The following HHIPL1 variants were observed in gnomAD, a reference collection of about 807,000 sequenced individuals.
HHIPL1 encodes HHIP-like protein 1.
HHIPL1 carries 43 observed loss-of-function variants against 61.8 expected under a neutral mutation model. That is an observed-to-expected ratio of 0.70 (90% CI 0.55 to 0.90). The LOEUF is 0.90. Among genes scored for constraint, HHIPL1 ranks in the 40% least tolerant of loss-of-function variants. The pLI, the probability that HHIPL1 is intolerant of heterozygous loss-of-function variation, is 0.00. For missense variants in HHIPL1, 1,056 were observed against 1,157.7 expected (o/e 0.91, Z 1.28); for synonymous variants, 482 against 515.8 (o/e 0.93, Z 0.89).
Position 99,660,348 on chromosome 14 carries a change from C to G in HHIPL1, c.1444C>G (p.Arg482Gly), listed in dbSNP as rs2056130999. The G allele has an allele frequency of 1.9e-6, 3 of 1,614,128 alleles. No homozygotes were observed. The highest frequency in any genetic ancestry group is 2.5e-6 in the Non-Finnish European group (3 of 1,180,002). The change falls in exon 5 of 9, where the codon CGG becomes GGG. Residue 482 changes from arginine to glycine, a missense_variant. Transcript: ENST00000330710. This position sits in a 1 kb window ranked among gnomAD's most constrained non-coding sequence, Gnocchi z 4.9. The stretch of plus-strand genomic sequence containing the variant: ...GTCGGTCACAGGGGGCTACGTGTAC[C>G]GGGGCTGCGAGTACCCCAACCTGAA... ...GKSVTGGYVY[R>G]GCEYPNLNGL... is the part of the protein sequence containing the mutation.
At chr14:99,617,801 C>T in the HHIPL1 span, among the ~76,000 whole-genome samples, 1 of 152,148 alleles carries the variant, frequency 6.6e-6, no homozygotes, top group South Asian at 2.1e-4. Flanking sequence ...CCCTCAGTTT[C>T]CCCATTCATT....
At chr14:99,667,438 A>G (rs569312773) in intron 6 of HHIPL1, among the ~76,000 whole-genome samples, 4 of 152,076 alleles carry the variant, frequency 2.6e-5, no homozygotes, top group African/African-American at 9.6e-5. Flanking sequence ...GGGAGAACCC[A>G]CGTTCCCTGA....
At chr14:99,607,885 A>C in the HHIPL1 span, among the ~76,000 whole-genome samples, 1 of 152,224 alleles carries the variant, frequency 6.6e-6, no homozygotes, top group Non-Finnish European at 1.5e-5. Context: ...ATCTATGAGT[A>C]TATATGCATT....
intron 1 of HHIPL1, among the ~76,000 whole-genome samples, chr14:99,647,343 C>A (rs1279451056): frequency 6.6e-6 from 1 of 152,214 alleles, no homozygotes; most frequent in African/African-American, 2.4e-5. Flanking sequence ...GGACCAGGTC[C>A]TTTGGTCTCC....
chr14:99,640,913 G>A (rs576017495), upstream of HHIPL1, among the ~76,000 whole-genome samples: 1 of 103,330 alleles, frequency 9.7e-6, no homozygotes, highest in Non-Finnish European at 1.8e-5. Flanking sequence ...TTGAGATAGA[G>A]TATCTCTCTC....
chr14:99,638,868 A>G, the HHIPL1 span, among the ~76,000 whole-genome samples: 1 of 152,240 alleles, frequency 6.6e-6, no homozygotes, highest in African/African-American at 2.4e-5. Context: ...CTGGTGGTGC[A>G]CATCCCACCG....
At chr14:99,640,059 A>G in the HHIPL1 span, among the ~76,000 whole-genome samples, 1 of 152,228 alleles carries the variant, frequency 6.6e-6, no homozygotes, top group African/African-American at 2.4e-5. Context: ...ATGGATTACC[A>G]TCTACAATAT....
the HHIPL1 span, among the ~76,000 whole-genome samples, chr14:99,617,204 C>G: frequency 6.6e-6 from 1 of 152,222 alleles, no homozygotes; most frequent in South Asian, 2.1e-4. Flanking sequence ...CCATGGCACA[C>G]ACAAACAAAA....
the HHIPL1 span, among the ~76,000 whole-genome samples, chr14:99,613,067 C>T: frequency 6.6e-6 from 1 of 152,140 alleles, no homozygotes; most frequent in Admixed American, 6.5e-5. Flanking sequence ...CAGCCCCCTC[C>T]TGTTTGATAC....
chr14:99,637,859 A>G, the HHIPL1 span, among the ~76,000 whole-genome samples: 6 of 152,302 alleles, frequency 3.9e-5, no homozygotes, highest in Non-Finnish European at 5.9e-5. Context: ...ACCAATGCCC[A>G]GAGAGGTCAA....
At chr14:99,642,129 G>A (rs1414724857), upstream of HHIPL1, among the ~76,000 whole-genome samples, 6 of 151,832 alleles carry the variant, frequency 4.0e-5, no homozygotes, top group South Asian at 6.2e-4. Context: ...TAGTAGAGAC[G>A]AGGTTTCTCC....
intron 3 of HHIPL1, 92 bp from the exon 4 acceptor site, chr14:99,659,335 CG>C: frequency 9.8e-7 from 1 of 1,024,050 alleles, no homozygotes. Context: ...CCTGGCTCAG[CG>C]GTCAGCCGGC....
At chr14:99,616,496 G>A in the HHIPL1 span, among the ~76,000 whole-genome samples, 11 of 152,300 alleles carry the variant, frequency 7.2e-5, no homozygotes, top group South Asian at 1.2e-3. Context: ...CTCCTCATCC[G>A]TAAGAGAAAG....
intron 7 of HHIPL1, among the ~76,000 whole-genome samples, chr14:99,671,420 TG>T (rs1487153291): frequency 4.6e-5 from 7 of 152,200 alleles, no homozygotes; most frequent in Non-Finnish European, 1.0e-4. Context: ...CGTATGTGCC[TG>T]GTTGTGTTTC....
chr14:99,610,578 G>A, the HHIPL1 span, among the ~76,000 whole-genome samples: 2 of 152,178 alleles, frequency 1.3e-5, no homozygotes, highest in Admixed American at 1.3e-4. Context: ...TGGCTAACAT[G>A]ACAAAACCCC....
At chr14:99,613,673 C>A in the HHIPL1 span, among the ~76,000 whole-genome samples, 3 of 151,994 alleles carry the variant, frequency 2.0e-5, no homozygotes, top group Admixed American at 1.3e-4. Flanking sequence ...CTTTGGGAGG[C>A]CGAGGTGGGC....
At position 99,677,304 on chromosome 14, in the gene HHIPL1, A is replaced by C. The variant is rs943885; in HGVS notation, c.*1678A>C. On this transcript the variant is annotated 3_prime_UTR_variant, in exon 9 of 9. Transcript: ENST00000330710. This position sits in a 1 kb window ranked among gnomAD's most constrained non-coding sequence, Gnocchi z 4.3. ...ACCCTAACCACTGCCCTCCCCAGCT[A>C]CACTATGCCTGCAGAGAGCGGTGTG... The C allele has an allele frequency of 0.95, 144,736 of 152,312 alleles. 69,221 individuals carry two copies. The highest frequency in any genetic ancestry group is 1 in the East Asian group (5,162 of 5,162). The allele number at this position is 152,312 out of a possible 1,614,324, so 9.4% of individuals were successfully genotyped here. A position where few individuals can be genotyped will look rare whatever the true frequency, so the allele number is the denominator to read the frequency against.
chr14:99,644,302 A>G (rs1176814520), upstream of HHIPL1, among the ~76,000 whole-genome samples: 1 of 152,188 alleles, frequency 6.6e-6, no homozygotes, highest in Non-Finnish European at 1.5e-5. Flanking sequence ...TCCAGGGAGA[A>G]GCAAACGCTG....
At chr14:99,624,180 C>T in the HHIPL1 span, among the ~76,000 whole-genome samples, 1 of 152,198 alleles carries the variant, frequency 6.6e-6, no homozygotes, top group Non-Finnish European at 1.5e-5. Context: ...TCTCCACCCT[C>T]GCTTCGGCCA....
Sources: gnomAD v4.1 joint callset for allele counts (sites outside exome capture counted in the v4.1 genomes callset) on GRCh38, gnomAD v4.1.1 for gene constraint, Gnocchi (gnomAD v3.1) non-coding constraint, MANE v1.5 for transcripts, NCBI Gene and HGNC (gene_info 2026-07-23, HGNC 2026-07-21) for gene names.